NUSAP1: variants seen among roughly 807,000 people sequenced by gnomAD.
NUSAP1 encodes the protein nucleolar and spindle-associated protein 1.
NUSAP1 carries 32 observed loss-of-function variants against 52.8 expected under a neutral mutation model. That is an observed-to-expected ratio of 0.61 (90% CI 0.46 to 0.81). The LOEUF is 0.81. Among genes scored for constraint, NUSAP1 ranks in the 40% least tolerant of loss-of-function variants. The probability of loss-of-function intolerance (pLI) is 0.00; values close to 1 mark genes in which losing one functional copy is unlikely to be tolerated. For missense variants in NUSAP1, 499 were observed against 522.3 expected (o/e 0.96, Z 0.43); for synonymous variants, 195 against 183.1 (o/e 1.06, Z -0.52).
chr15:41,360,567 CAGCCTCCCAA>C (rs2049132992), intron 6 of NUSAP1, among the ~76,000 whole-genome samples: 1 of 152,138 alleles, frequency 6.6e-6, no homozygotes, highest in African/African-American at 2.4e-5. Context: ...CCACCTGCCT[CAGCCTCCCAA>C]AGTGCTGGGA....
intron 8 of NUSAP1, among the ~76,000 whole-genome samples, chr15:41,373,855 A>T (rs1056571760): frequency 3.3e-5 from 5 of 152,078 alleles, no homozygotes; most frequent in African/African-American, 1.2e-4. Context: ...GGTGTGAGCC[A>T]TATCTGTTAT....
chr15:41,349,766 C>CTTTTTTT (rs1181209511), intron 3 of NUSAP1, among the ~76,000 whole-genome samples: 3 of 123,544 alleles, frequency 2.4e-5, no homozygotes, highest in African/African-American at 6.0e-5. Context: ...TTTTTCTTTT[C>CTTTTTTT]TTTTTTTTTT....
At chr15:41,343,045 A>T (rs1175162284) in intron 2 of NUSAP1, 1 of 152,242 alleles carries the variant, frequency 6.6e-6, no homozygotes, top group African/African-American at 2.4e-5. Flanking sequence ...GCATGATTTA[A>T]GTAGAGAGGG....
In NUSAP1 at chr15:41,371,686, TAAAA is replaced by T. The variant is rs371284414; in HGVS notation, c.1006+14_1006+17del. On this transcript the variant is annotated splice_donor_5th_base_variant and intron_variant, in intron 8 of 10. Coordinates refer to ENST00000559596, the MANE Select transcript of NUSAP1 (RefSeq NM_016359.5). ...CCATCACGGGGAATTCTGCTGCTGG[TAAAA>T]AAAAAAAAAAACAAAAGAAATCTGT... 144 of 1,314,350 alleles carry T rather than the reference TAAAA, an allele frequency of 1.1e-4. No homozygotes were observed. The highest frequency in any genetic ancestry group is 1.3e-4 in the Non-Finnish European group (124 of 968,714). The allele number at this position is 1,314,350 out of a possible 1,614,324, so 81.4% of individuals were successfully genotyped here. A position where few individuals can be genotyped will look rare whatever the true frequency, so the allele number is the denominator to read the frequency against.
At position 41,349,155 on chromosome 15, in the gene NUSAP1, C is replaced by T; in HGVS notation, c.220C>T (p.Gln74Ter). ...TGAGACTGAGATACAGATCAGCAAC[C>T]AGGAAGAAGCTGAGAGACAGCCACT... The part of the protein sequence containing the change: ...CDETEIQISN[Q>*]EEAERQPLGH... The change falls in exon 3 of 11, where the codon CAG becomes TAG. Residue 74 changes from glutamine (Q) to a stop codon, truncating the protein, a stop_gained. Coordinates refer to ENST00000559596, the MANE Select transcript of NUSAP1 (RefSeq NM_016359.5). LOFTEE classifies it high-confidence loss of function. The T allele has an allele frequency of 6.2e-7, 1 of 1,613,704 alleles. No individual in the cohort carries two copies. The highest frequency in any genetic ancestry group is 8.5e-7 in the Non-Finnish European group (1 of 1,179,654).
In NUSAP1 at chr15:41,356,411, G is replaced by A. The variant is rs1420704437; in HGVS notation, c.550+271G>A. ...GCTCTGTCACCCAGGCTAGAGTGCA[G>A]TAGCGTGAGCTTGGCTCACTGCTAC... On this transcript the variant is annotated intron_variant, in intron 5 of 10. Coordinates refer to ENST00000559596, the MANE Select transcript of NUSAP1 (RefSeq NM_016359.5). Among the ~76,000 whole-genome samples, 6 of 139,634 alleles carry A rather than the reference G, an allele frequency of 4.3e-5. No individual in the cohort carries two copies. In the South Asian group the frequency reaches 1.1e-3, roughly 26 times the overall value. The allele number at this position is 139,634 out of a possible 152,430, so 91.6% of individuals were successfully genotyped here.
chr15:41,352,422 C>T (rs1298192380), intron 4 of NUSAP1, among the ~76,000 whole-genome samples: 1 of 151,968 alleles, frequency 6.6e-6, no homozygotes, highest in Non-Finnish European at 1.5e-5. Context: ...CAGTATCCAC[C>T]AAGCAGTTAA....
At chr15:41,333,771 G>A (rs1364878289) in intron 1 of NUSAP1, among the ~76,000 whole-genome samples, 1 of 152,142 alleles carries the variant, frequency 6.6e-6, no homozygotes, top group Non-Finnish European at 1.5e-5. Context: ...ACACGCCTGT[G>A]ATCCAAGCTT....
rs10541882 is a variant in NUSAP1 at position 41,354,670 on chromosome 15, G to GATATATATATAT, written c.449-1360_449-1349dup. ...AAAACTGAAAAAGTTTGTTTTAACC[G>GATATATATATAT]ATATATATATATATATATATGTTTA... is the stretch of plus-strand genomic sequence containing the variant. On this transcript the variant is annotated intron_variant, in intron 4 of 10. Transcript: ENST00000559596. 6.0e-4 allele frequency among the ~76,000 whole-genome samples: 88 copies of GATATATATATAT among 146,078 alleles called. 1 individual carries two copies. The highest frequency in any genetic ancestry group is 2.1e-3 in the African/African-American group (83 of 39,670).
intron 10 of NUSAP1, among the ~76,000 whole-genome samples, chr15:41,379,716 T>C (rs928153003): frequency 6.6e-5 from 10 of 152,014 alleles, no homozygotes; most frequent in Admixed American, 5.3e-4. Context: ...GGCTACCTTT[T>C]TTGTATTTTT....
chr15:41,342,263 A>G, intron 1 of NUSAP1, 123 bp from the exon 2 acceptor site: 1 of 657,754 alleles, frequency 1.5e-6, no homozygotes, highest in Admixed American at 3.1e-5. Flanking sequence ...CTTTCTAAGT[A>G]ATGGTTCTAG....
At chr15:41,347,107 G>C (rs1338126013) in intron 2 of NUSAP1, among the ~76,000 whole-genome samples, 1 of 151,890 alleles carries the variant, frequency 6.6e-6, no homozygotes, top group Non-Finnish European at 1.5e-5. Context: ...GGGAGGCGGA[G>C]ATTGCAGTGA....
rs150852658 is a variant in NUSAP1 at position 41,347,002 on chromosome 15, G to A, written c.163-2096G>A. Among the ~76,000 whole-genome samples the A allele has an allele frequency of 5.9e-3, 897 of 151,896 alleles. 5 individuals are homozygous for A. The highest frequency in any genetic ancestry group is 9.7e-3 in the Non-Finnish European group (661 of 67,940). On this transcript the variant is annotated intron_variant, in intron 2 of 10. Coordinates refer to ENST00000559596, the MANE Select transcript of NUSAP1 (RefSeq NM_016359.5). ...AGCCTGGCCAAAATGGTGAAATCCC[G>A]TCTCTACTAAAATACAAAAATTAGC...
chr15:41,377,136 G>T (rs564234775), intron 9 of NUSAP1, 60 bp from the exon 10 acceptor site: 2 of 852,022 alleles, frequency 2.3e-6, no homozygotes, highest in African/African-American at 3.5e-5. Flanking sequence ...TGAAGAGAAT[G>T]AAGTTGGGAA....
rs2048763317 is a variant in NUSAP1, at chr15:41,351,129, G to A, written c.448G>A (p.Gly150Ser). Reference protein sequence around the residue: ...HQEAENAVSSGNRDSKVPSEG... With the variant: ...HQEAENAVSSSNRDSKVPSEG... ...AGAAGCTGAGAATGCTGTTTCCTCA[G>A]GTAAACGTGGAATAAATGGTATGTC... The change falls in exon 4 of 11, where the codon GGT becomes AGT. Residue 150 changes from glycine to serine, a missense_variant and splice_region_variant. Gly to Ser is a moderately conservative substitution (Grantham distance 56). Coordinates refer to ENST00000559596, the MANE Select transcript of NUSAP1 (RefSeq NM_016359.5). 1 of 1,605,142 alleles carries A rather than the reference G, an allele frequency of 6.2e-7. No individual in the cohort carries two copies. The highest frequency in any genetic ancestry group is 1.3e-5 in the African/African-American group (1 of 74,142).
intron 8 of NUSAP1, among the ~76,000 whole-genome samples, chr15:41,372,151 G>C (rs1595599490): frequency 6.6e-6 from 1 of 152,078 alleles, no homozygotes. Flanking sequence ...GTGTACTAGT[G>C]GGGGAAATGC....
chr15:41,336,418 C>G (rs1257395869), intron 1 of NUSAP1, among the ~76,000 whole-genome samples: 1 of 151,736 alleles, frequency 6.6e-6, no homozygotes, highest in Non-Finnish European at 1.5e-5. Flanking sequence ...GCCCTCACTT[C>G]CTTTCTTGCG....
intron 6 of NUSAP1, among the ~76,000 whole-genome samples, chr15:41,361,142 C>G (rs1211604377): frequency 1.3e-5 from 2 of 151,432 alleles, no homozygotes; most frequent in South Asian, 2.1e-4. Flanking sequence ...ACCTGTAATC[C>G]CAGTACTTTG....
intron 10 of NUSAP1, among the ~76,000 whole-genome samples, chr15:41,378,519 C>T (rs1315614354): frequency 6.6e-6 from 1 of 152,202 alleles, no homozygotes; most frequent in African/African-American, 2.4e-5. Flanking sequence ...GGCAAGGTGG[C>T]TCACGCCTGT....
Sources: gnomAD v4.1 joint callset for allele counts (sites outside exome capture counted in the v4.1 genomes callset) on GRCh38, gnomAD v4.1.1 for gene constraint, MANE v1.5 for transcripts, NCBI Gene and HGNC (gene_info 2026-07-23, HGNC 2026-07-21) for gene names.